Variants in MYO1D observed in about 807,000 individuals in gnomAD.
The protein encoded by MYO1D is myosin ID, also known as unconventional myosin-Id.
Under a neutral mutation model 122.0 loss-of-function variants are expected in MYO1D, and 83 were observed. The observed-to-expected ratio is 0.68, with a 90% CI of 0.57 to 0.82. The LOEUF is 0.82. MYO1D is among the 40% of genes least tolerant of loss of function. MYO1D has a pLI of 0.00. For missense variants in MYO1D, 1,157 were observed against 1,269.5 expected (o/e 0.91, Z 1.35); for synonymous variants, 464 against 446.9 (o/e 1.04, Z -0.48).
chr17:32,827,470 T>TG (rs1567661471), intron 1 of MYO1D, among the ~76,000 whole-genome samples: 3 of 152,124 alleles, frequency 2.0e-5, no homozygotes. Flanking sequence ...GTTCTGGAAA[T>TG]GGGTAGTGGT....
intron 21 of MYO1D, chr17:32,529,183 G>GA (rs1174893073): frequency 6.6e-6 from 1 of 152,298 alleles, no homozygotes; most frequent in African/African-American, 2.4e-5. Context: ...ACTTGGATCT[G>GA]AATCTGTGTC....
intron 11 of MYO1D, among the ~76,000 whole-genome samples, chr17:32,754,172 A>C (rs927113678): frequency 6.6e-6 from 1 of 152,224 alleles, no homozygotes; most frequent in African/African-American, 2.4e-5. Flanking sequence ...GTGATTATAA[A>C]GGGCATTTAT....
Position 32,776,020 on chromosome 17 carries a change from A to G in MYO1D, c.408T>C (p.Asn136=), listed in dbSNP as rs142109768. 1,511 of 1,613,656 alleles carry G rather than the reference A, an allele frequency of 9.4e-4. 2 individuals carry two copies. The highest frequency in any genetic ancestry group is 1.1e-3 in the Non-Finnish European group (1,311 of 1,179,760). ...AAACACAGTTGGACTTAAGCAACAT[A>G]TTCTTCACTCTTTAACACAGATAAA... ...SQRAEVERVK[N]MLLKSNCVLE... The change falls in exon 4 of 22, where the codon AAT becomes AAC. Residue 136 remains asparagine, a synonymous_variant. Transcript: ENST00000318217.
chr17:32,814,630 C>T (rs527797937), intron 1 of MYO1D, among the ~76,000 whole-genome samples: 39 of 152,308 alleles, frequency 2.6e-4, no homozygotes, highest in African/African-American at 8.7e-4. Flanking sequence ...CATGTCTCTT[C>T]TAAGCACGAT....
chr17:32,760,195 T>C, intron 10 of MYO1D, 95 bp downstream of exon 10: 2 of 1,047,430 alleles, frequency 1.9e-6, no homozygotes, highest in Middle Eastern at 2.0e-4. Flanking sequence ...ATGTTTCAAA[T>C]ACCCCCAAAA....
intron 19 of MYO1D, among the ~76,000 whole-genome samples, chr17:32,642,591 T>C (rs1023457956): frequency 1.3e-5 from 2 of 152,236 alleles, no homozygotes; most frequent in African/African-American, 4.8e-5. Flanking sequence ...TTTGTTTTTG[T>C]CCTCTTTTAT....
chr17:32,580,037 T>C (rs1032229425), intron 21 of MYO1D, among the ~76,000 whole-genome samples: 2 of 152,204 alleles, frequency 1.3e-5, no homozygotes, highest in Admixed American at 1.3e-4. Context: ...GGCAGGGATA[T>C]GTTTAGCTTA....
intron 1 of MYO1D, among the ~76,000 whole-genome samples, chr17:32,817,610 A>C (rs1350739754): frequency 6.6e-6 from 1 of 152,066 alleles, no homozygotes; most frequent in Admixed American, 6.5e-5. Context: ...AAATTAACCA[A>C]AATAAAAGGA....
At chr17:32,868,994 A>G (rs2091154867) in intron 1 of MYO1D, among the ~76,000 whole-genome samples, 1 of 151,682 alleles carries the variant, frequency 6.6e-6, no homozygotes, top group Non-Finnish European at 1.5e-5. Context: ...GGATCACTTG[A>G]GCTCAGGAGT....
At chr17:32,539,464 A>T (rs1910771258) in intron 21 of MYO1D, among the ~76,000 whole-genome samples, 1 of 152,202 alleles carries the variant, frequency 6.6e-6, no homozygotes, top group African/African-American at 2.4e-5. Context: ...ACTTTTTTAC[A>T]GTTCTGGAGT....
chr17:32,539,122 A>C (rs1249160747), intron 21 of MYO1D, among the ~76,000 whole-genome samples: 1 of 152,096 alleles, frequency 6.6e-6, no homozygotes. Flanking sequence ...TAAATAAATA[A>C]ATAAAATAGA....
chr17:32,739,577 C>T (rs182219140), intron 13 of MYO1D, among the ~76,000 whole-genome samples: 51 of 151,240 alleles, frequency 3.4e-4, no homozygotes, highest in Non-Finnish European at 4.4e-4. Context: ...ACCAACATGG[C>T]GCATGTATAC....
chr17:32,575,447 C>T (rs1275970789), intron 21 of MYO1D, among the ~76,000 whole-genome samples: 2 of 152,210 alleles, frequency 1.3e-5, no homozygotes, highest in Non-Finnish European at 2.9e-5. Context: ...AAGTTCATTA[C>T]ATCCACAATA....
chr17:32,721,462 C>G (rs1338511917), intron 14 of MYO1D, among the ~76,000 whole-genome samples: 1 of 151,970 alleles, frequency 6.6e-6, no homozygotes, highest in Non-Finnish European at 1.5e-5. Context: ...ATAACAGAGA[C>G]GTAAAGATCG....
intron 1 of MYO1D, among the ~76,000 whole-genome samples, chr17:32,847,864 A>C (rs1332249724): frequency 6.6e-6 from 1 of 152,194 alleles, no homozygotes; most frequent in African/African-American, 2.4e-5. Context: ...AACCAAAGAA[A>C]GCTTAATATT....
At chr17:32,756,376 C>G (rs1598069938) in intron 10 of MYO1D, 1 of 209,740 alleles carries the variant, frequency 4.8e-6, no homozygotes, top group Non-Finnish European at 9.7e-6. Context: ...TTTAAACAGC[C>G]TTACTCTGAT....
At chr17:32,540,612 T>C (rs1910809197) in intron 21 of MYO1D, among the ~76,000 whole-genome samples, 1 of 151,876 alleles carries the variant, frequency 6.6e-6, no homozygotes, top group Non-Finnish European at 1.5e-5. Context: ...TTCATATCGA[T>C]TAGGATGACT....
chr17:32,577,966 C>A (rs2087294437), intron 21 of MYO1D, among the ~76,000 whole-genome samples: 1 of 152,108 alleles, frequency 6.6e-6, no homozygotes, highest in African/African-American at 2.4e-5. Flanking sequence ...GTCTCGATCT[C>A]CTGACCTCGT....
chr17:32,643,251 T>C (rs56061700), intron 19 of MYO1D, among the ~76,000 whole-genome samples: 21,876 of 152,150 alleles, frequency 0.14, 1,850 homozygotes, highest in Middle Eastern at 0.24. Flanking sequence ...GTTGAACCAG[T>C]CTTGCATCCC....
Sources: allele counts gnomAD v4.1 joint callset (sites outside exome capture counted in the v4.1 genomes callset), GRCh38; gene constraint gnomAD v4.1.1; transcripts MANE v1.5; gene names NCBI Gene and HGNC (gene_info 2026-07-23, HGNC 2026-07-21).